GTPBP10: variants seen among roughly 807,000 people sequenced by gnomAD.
GTPBP10 encodes the protein GTP-binding protein 10.
In GTPBP10, 38 loss-of-function variants were observed where a neutral mutation model predicts 44.8. The ratio of observed to expected loss-of-function variants is 0.85; its 90% CI spans 0.65 to 1.11. GTPBP10 has a LOEUF of 1.11. Among genes scored for constraint, GTPBP10 ranks in the 50% most tolerant of loss-of-function variants. The probability of loss-of-function intolerance (pLI) is 0.00; values close to 1 mark genes in which losing one functional copy is unlikely to be tolerated. For missense variants in GTPBP10, 462 were observed against 453.7 expected, an observed-to-expected ratio of 1.02 and a Z score of -0.17; for synonymous variants, 152 against 150.6, an observed-to-expected ratio of 1.01 and a Z score of -0.07.
chr7:90,371,110 T>C (rs1254603969), intron 4 of GTPBP10: 3 of 515,872 alleles, frequency 5.8e-6, no homozygotes, highest in Non-Finnish European at 7.5e-6. Flanking sequence ...AGATAGTCAT[T>C]GCATTGTTTA....
At chr7:90,375,974 C>T (rs958352081) in intron 6 of GTPBP10, among the ~76,000 whole-genome samples, 1 of 151,886 alleles carries the variant, frequency 6.6e-6, no homozygotes, top group East Asian at 1.9e-4. Flanking sequence ...CACCTGTAAT[C>T]CCAGCACTTT....
At chr7:90,382,145 T>C (rs1356203537) in intron 8 of GTPBP10, among the ~76,000 whole-genome samples, 1 of 152,170 alleles carries the variant, frequency 6.6e-6, no homozygotes, top group Non-Finnish European at 1.5e-5. Flanking sequence ...AAAATATTTG[T>C]AAATCATATA....
At position 90,390,624 on chromosome 7, in the gene GTPBP10, T is replaced by G. The variant is rs1796597159; in HGVS notation, c.*5470T>G. The stretch of plus-strand genomic sequence containing the variant: ...CATGCAGCTTATGTTATAATTAATT[T>G]GCGAGCAATATATGGCATGATAGTA... On this transcript the variant is annotated 3_prime_UTR_variant, in exon 10 of 10. Transcript: ENST00000222511. 1 of 152,176 alleles carries G rather than the reference T, an allele frequency of 6.6e-6. No homozygotes were observed. Among genetic ancestry groups the G allele is most frequent in the African/African-American group, 2.4e-5 (1 of 41,432 alleles). The allele number at this position is 152,176 out of a possible 1,614,324, so 9.4% of individuals were successfully genotyped here. A position where few individuals can be genotyped will look rare whatever the true frequency, so the allele number is the denominator to read the frequency against.
chr7:90,349,609 G>A (rs1259567730), intron 1 of GTPBP10, among the ~76,000 whole-genome samples: 2 of 152,206 alleles, frequency 1.3e-5, no homozygotes, highest in African/African-American at 2.4e-5. Flanking sequence ...AGATTGAGGG[G>A]TTAGCAGCTT....
intron 6 of GTPBP10, among the ~76,000 whole-genome samples, chr7:90,375,903 C>G (rs1466185295): frequency 6.6e-6 from 1 of 151,824 alleles, no homozygotes; most frequent in Non-Finnish European, 1.5e-5. Flanking sequence ...TAAGAGTTCC[C>G]TACGTGATTA....
chr7:90,367,499 T>C (rs958970323), intron 4 of GTPBP10, among the ~76,000 whole-genome samples: 1 of 152,248 alleles, frequency 6.6e-6, no homozygotes, highest in African/African-American at 2.4e-5. Context: ...GATAGTTAGC[T>C]CTTCTTGTTG....
At chr7:90,370,400 TAAAA>T (rs1345684093) in intron 4 of GTPBP10, among the ~76,000 whole-genome samples, 18 of 151,494 alleles carry the variant, frequency 1.2e-4, no homozygotes, top group Non-Finnish European at 2.4e-4. Context: ...TACTCAGCCA[TAAAA>T]AAGAATGAGG....
intron 4 of GTPBP10, among the ~76,000 whole-genome samples, chr7:90,365,567 G>A (rs1301741270): frequency 2.0e-5 from 3 of 151,194 alleles, no homozygotes; most frequent in East Asian, 1.9e-4. Context: ...TAGTAGAGAC[G>A]GGGTTTCACC....
At chr7:90,379,947 T>C (rs1796405297) in intron 8 of GTPBP10, among the ~76,000 whole-genome samples, 1 of 152,232 alleles carries the variant, frequency 6.6e-6, no homozygotes, top group African/African-American at 2.4e-5. Context: ...TTTATGTGCT[T>C]ATTAGGCATT....
At chr7:90,372,286 A>G (rs1796271856) in intron 5 of GTPBP10, 58 bp downstream of exon 5, 3 of 1,134,154 alleles carry the variant, frequency 2.6e-6, no homozygotes, top group South Asian at 1.4e-5. Flanking sequence ...AAAGACTAAT[A>G]TTTCTCTGAG....
chr7:90,356,060 G>A (rs1168954554), intron 4 of GTPBP10, among the ~76,000 whole-genome samples: 1 of 144,722 alleles, frequency 6.9e-6, no homozygotes, highest in Non-Finnish European at 1.5e-5. Flanking sequence ...CCTTATTACT[G>A]TCCTACTCCA....
At chr7:90,384,369 G>A (rs1387734253) in intron 9 of GTPBP10, among the ~76,000 whole-genome samples, 1 of 152,058 alleles carries the variant, frequency 6.6e-6, no homozygotes, top group African/African-American at 2.4e-5. Flanking sequence ...TAGCCCTTGT[G>A]GGGTGATAGA....
intron 4 of GTPBP10, among the ~76,000 whole-genome samples, chr7:90,370,971 A>C (rs1386794581): frequency 6.6e-6 from 1 of 151,784 alleles, no homozygotes; most frequent in East Asian, 1.9e-4. Flanking sequence ...ACGCCACTGC[A>C]CTCCAGCCTG....
chr7:90,376,673 T>G (rs1584644948), intron 6 of GTPBP10, among the ~76,000 whole-genome samples: 1 of 152,200 alleles, frequency 6.6e-6, no homozygotes, highest in African/African-American at 2.4e-5. Context: ...TTAAAAGTAA[T>G]GCCAAAACCA....
intron 4 of GTPBP10, among the ~76,000 whole-genome samples, chr7:90,365,221 C>T (rs528057907): frequency 5.6e-4 from 85 of 152,250 alleles, no homozygotes; most frequent in Non-Finnish European, 9.6e-4. Flanking sequence ...CTGCATCGCT[C>T]GCACTGGGAG....
In GTPBP10 at chr7:90,352,923, T is replaced by C. The variant is rs997598597; in HGVS notation, c.141T>C (p.Val47=). Residue 47 remains valine, a synonymous_variant, in exon 2 of 10, where the codon GTT becomes GTC. Coordinates refer to ENST00000222511, the MANE Select transcript of GTPBP10 (RefSeq NM_033107.4). ...GEGGKGGDVW[V]VAQNRMTLKQ... ...GTGGAAAAGGTGGTGATGTCTGGGT[T>C]GTAGCCCAGAACAGAATGACTTTAA... The C allele has an allele frequency of 2.5e-6, 4 of 1,614,022 alleles. No homozygotes were observed. Among genetic ancestry groups the C allele is most frequent in the Admixed American group, 1.7e-5 (1 of 60,002 alleles).
At chr7:90,352,660 G>A (rs564506099) in intron 1 of GTPBP10, among the ~76,000 whole-genome samples, 156 bp from the exon 2 acceptor site, 3 of 152,242 alleles carry the variant, frequency 2.0e-5, no homozygotes, top group South Asian at 4.1e-4. Context: ...TCAGATCGGA[G>A]ATGTGGAGGT....
chr7:90,385,085 T>A lies in GTPBP10; in HGVS notation c.1095T>A (p.Ser365=). 2 of 1,613,474 alleles carry A rather than the reference T, an allele frequency of 1.2e-6. No individual in the cohort carries two copies. The highest frequency in any genetic ancestry group is 1.3e-5 in the African/African-American group (1 of 75,038). ...AACAGTTGCTTAATTTGTGGATTTC[T>A]GATACAATGTCTTCTACTGAGCCAC... is the stretch of plus-strand genomic sequence containing the variant. The part of the protein sequence containing the change: ...HKKQLLNLWI[S]DTMSSTEPPS... Residue 365 remains serine, a synonymous_variant, in exon 10 of 10, where the codon TCT becomes TCA. Coordinates refer to ENST00000222511, the MANE Select transcript of GTPBP10 (RefSeq NM_033107.4).
At chr7:90,361,080 C>G (rs554444751) in intron 4 of GTPBP10, among the ~76,000 whole-genome samples, 1 of 152,298 alleles carries the variant, frequency 6.6e-6, no homozygotes, top group African/African-American at 2.4e-5. Context: ...CATCTTCAAA[C>G]AGGGACAATT....
Sources: allele counts gnomAD v4.1 joint callset (sites outside exome capture counted in the v4.1 genomes callset), GRCh38; gene constraint gnomAD v4.1.1; transcripts MANE v1.5; gene names NCBI Gene and HGNC (gene_info 2026-07-23, HGNC 2026-07-21).